CNBD1: variants seen among roughly 807,000 people sequenced by gnomAD.
The protein encoded by CNBD1 is cyclic nucleotide binding domain containing 1.
CNBD1 carries 71 observed loss-of-function variants against 54.4 expected under a neutral mutation model. The observed-to-expected ratio is 1.30, with a 90% CI of 1.08 to 1.59. The LOEUF (loss-of-function observed/expected upper bound fraction) is 1.59. Ranked by LOEUF, CNBD1 falls within the 40% of genes most tolerant of loss-of-function variation. CNBD1 has a pLI of 0.00. For synonymous variants in CNBD1, 182 were observed against 170.7 expected, an observed-to-expected ratio of 1.07 and a Z score of -0.51; for missense variants, 659 against 518.0, an observed-to-expected ratio of 1.27 and a Z score of -2.64.
At chr8:87,132,706 TA>T (rs1812144026) in intron 4 of CNBD1, among the ~76,000 whole-genome samples, 1 of 147,656 alleles carries the variant, frequency 6.8e-6, no homozygotes, top group South Asian at 2.1e-4. Context: ...TAGTTTCATT[TA>T]TATATATTTG....
chr8:87,136,995 A>ATATAT (rs368122692), intron 4 of CNBD1, among the ~76,000 whole-genome samples: 111 of 33,498 alleles, frequency 3.3e-3, no homozygotes, highest in Non-Finnish European at 4.3e-3. Flanking sequence ...TGTAAATTAT[A>ATATAT]TATATTTATA....
chr8:87,096,012 A>G (rs1359347280), intron 4 of CNBD1, among the ~76,000 whole-genome samples: 1 of 152,174 alleles, frequency 6.6e-6, no homozygotes, highest in Non-Finnish European at 1.5e-5. Flanking sequence ...ATGTAACCTC[A>G]GAGGAAGTTA....
chr8:87,245,637 T>C (rs1375576791), intron 6 of CNBD1, among the ~76,000 whole-genome samples: 1 of 152,054 alleles, frequency 6.6e-6, no homozygotes, highest in Admixed American at 6.6e-5. Context: ...TATTTGAAGG[T>C]AGGAAAATAA....
chr8:87,110,023 C>T (rs1212805627), intron 4 of CNBD1, among the ~76,000 whole-genome samples: 1 of 152,148 alleles, frequency 6.6e-6, no homozygotes, highest in Non-Finnish European at 1.5e-5. Context: ...AAACCATTTG[C>T]CACTGCCAGT....
At chr8:86,923,571 C>T (rs550632719) in intron 3 of CNBD1, among the ~76,000 whole-genome samples, 17 of 152,108 alleles carry the variant, frequency 1.1e-4, no homozygotes, top group Non-Finnish European at 1.5e-4. Flanking sequence ...TCAGATTCCC[C>T]GCCCCCAGCC....
At chr8:86,941,498 G>A (rs907285775) in intron 4 of CNBD1, among the ~76,000 whole-genome samples, 3 of 152,162 alleles carry the variant, frequency 2.0e-5, no homozygotes, top group Admixed American at 2.0e-4. Flanking sequence ...GGCTGTAAGA[G>A]TTTTAATGGC....
intron 8 of CNBD1, among the ~76,000 whole-genome samples, chr8:87,328,489 G>A (rs543776081): frequency 1.3e-5 from 2 of 151,214 alleles, no homozygotes; most frequent in Non-Finnish European, 2.9e-5. Flanking sequence ...CTTTGTGCTA[G>A]TAACATACTG....
intron 4 of CNBD1, among the ~76,000 whole-genome samples, chr8:87,055,684 G>A (rs148758168): frequency 2.0e-5 from 3 of 152,126 alleles, no homozygotes; most frequent in East Asian, 1.9e-4. Flanking sequence ...GTTGTCTACC[G>A]AACTGGTTTT....
At chr8:87,390,293 C>T (rs1811281312) in intron 2 of CNBD1, among the ~76,000 whole-genome samples, 2 of 152,198 alleles carry the variant, frequency 1.3e-5, no homozygotes, top group African/African-American at 4.8e-5. Flanking sequence ...AAAGAAACTA[C>T]CATCAGAGTG....
At chr8:86,905,003 T>C (rs1265041731) in intron 2 of CNBD1, 78 bp from the exon 3 acceptor site, 1 of 731,652 alleles carries the variant, frequency 1.4e-6, no homozygotes, top group Non-Finnish European at 2.4e-6. Context: ...TTGATACGTA[T>C]ATATTGAGTT....
At chr8:86,904,217 G>A (rs903818274) in intron 2 of CNBD1, among the ~76,000 whole-genome samples, 1 of 151,924 alleles carries the variant, frequency 6.6e-6, no homozygotes, top group South Asian at 2.1e-4. Flanking sequence ...TTGTCATGCG[G>A]CAACTATTGG....
intron 8 of CNBD1, among the ~76,000 whole-genome samples, chr8:87,344,333 A>G (rs1810126692): frequency 6.6e-6 from 1 of 152,066 alleles, no homozygotes; most frequent in African/African-American, 2.4e-5. Context: ...TACAAAAGAG[A>G]TGTATTAAGA....
At position 87,149,392 on chromosome 8, in the gene CNBD1, G is replaced by T. The variant is rs191457087; in HGVS notation, c.432-56601G>T. Reference sequence around the variant, plus strand: ...GGGTTGCATAATTTTGTGTTGTCACGTGATTGGAAGTGGTGAAGATGCATT... The same window carrying T: ...GGGTTGCATAATTTTGTGTTGTCACTTGATTGGAAGTGGTGAAGATGCATT... On this transcript the variant is annotated intron_variant, in intron 4 of 10. Coordinates refer to ENST00000518476, the MANE Select transcript of CNBD1 (RefSeq NM_173538.3). Among the ~76,000 whole-genome samples the T allele has an allele frequency of 2.8e-3, 421 of 152,260 alleles. 1 individual carries two copies. Among genetic ancestry groups the T allele is most frequent in the African/African-American group, 9.8e-3 (407 of 41,546 alleles).
chr8:87,028,123 A>G (rs1809696921), intron 4 of CNBD1, among the ~76,000 whole-genome samples: 1 of 152,156 alleles, frequency 6.6e-6, no homozygotes, highest in Admixed American at 6.5e-5. Flanking sequence ...TTCCTCTCTC[A>G]GTCAGTTAGG....
chr8:87,387,635 A>T (rs1326261024), downstream of CNBD1, among the ~76,000 whole-genome samples: 5 of 152,232 alleles, frequency 3.3e-5, no homozygotes. Flanking sequence ...AAAGACACTT[A>T]GACTCCCACA....
At chr8:86,932,694 T>A (rs2130407657) in intron 3 of CNBD1, among the ~76,000 whole-genome samples, 1 of 150,704 alleles carries the variant, frequency 6.6e-6, no homozygotes, top group Non-Finnish European at 1.5e-5. Context: ...CAGGCCATAG[T>A]GCAGAAAAAA....
chr8:86,917,625 G>A lies in CNBD1; in HGVS notation c.272+12431G>A, dbSNP rs902568441. ...GCTGCTGAGTCAGGAATCTGATGAC[G>A]TGAGGAGAAGAGAGTTAAGAGTGGA... On this transcript the variant is annotated intron_variant, in intron 3 of 10. Coordinates refer to ENST00000518476, the MANE Select transcript of CNBD1 (RefSeq NM_173538.3). Among the ~76,000 whole-genome samples the A allele has an allele frequency of 5.9e-5, 9 of 152,156 alleles. No individual in the cohort carries two copies. In the East Asian group the frequency reaches 7.7e-4, roughly 13 times the overall value.
chr8:87,038,609 C>G (rs1228205469), intron 4 of CNBD1, among the ~76,000 whole-genome samples: 1 of 152,166 alleles, frequency 6.6e-6, no homozygotes, highest in Non-Finnish European at 1.5e-5. Flanking sequence ...ATCTTGCAAC[C>G]TCCAGAATAG....
intron 4 of CNBD1, among the ~76,000 whole-genome samples, chr8:87,031,607 T>TA (rs1257654225): frequency 6.6e-6 from 1 of 152,230 alleles, no homozygotes; most frequent in Non-Finnish European, 1.5e-5. Flanking sequence ...GTTCCTTTTC[T>TA]GGGGTTATCT....
Sources: allele counts gnomAD v4.1 joint callset (sites outside exome capture counted in the v4.1 genomes callset), GRCh38; gene constraint gnomAD v4.1.1; transcripts MANE v1.5; gene names NCBI Gene and HGNC (gene_info 2026-07-23, HGNC 2026-07-21).